Variants in EFNA5 observed in about 807,000 individuals in gnomAD.
EFNA5 encodes ephrin-A5.
In EFNA5, 5 loss-of-function variants were observed where a neutral mutation model predicts 22.9. That is an observed-to-expected ratio of 0.22 (90% CI 0.11 to 0.46). The LOEUF (loss-of-function observed/expected upper bound fraction) is 0.46, where lower values mean the gene tolerates loss of function less well. EFNA5 is among the 20% of genes least tolerant of loss of function. The pLI is 0.99. For missense variants in EFNA5, 237 were observed against 293.3 expected, an observed-to-expected ratio of 0.81 and a Z score of 1.40; for synonymous variants, 113 against 112.2, an observed-to-expected ratio of 1.01 and a Z score of -0.04.
At chr5:107,513,983 A>G (rs1747427777) in intron 1 of EFNA5, among the ~76,000 whole-genome samples, 1 of 152,196 alleles carries the variant, frequency 6.6e-6, no homozygotes, top group South Asian at 2.1e-4. Context: ...GTCTGTGCTG[A>G]ACACAAAAAC....
chr5:107,403,561 A>C (rs1259070905), intron 2 of EFNA5, among the ~76,000 whole-genome samples: 3 of 152,198 alleles, frequency 2.0e-5, no homozygotes, highest in Non-Finnish European at 2.9e-5. Flanking sequence ...TCTACATTAC[A>C]GTTTCACAAT....
chr5:107,416,913 G>C lies in EFNA5; in HGVS notation c.418+10304C>G, dbSNP rs113173397. Among the ~76,000 whole-genome samples, 14 of 152,010 alleles carry C rather than the reference G, an allele frequency of 9.2e-5. 2 individuals are homozygous for C. Among genetic ancestry groups the C allele is most frequent in the African/African-American group, 3.1e-4 (13 of 41,470 alleles). Reference sequence around the variant, plus strand: ...TTGAGGACCAACAGAAACTGTTAAAGCAAAACATGCAGTAAAACTTAATCA... The same window carrying C: ...TTGAGGACCAACAGAAACTGTTAAACCAAAACATGCAGTAAAACTTAATCA... On this transcript the variant is annotated intron_variant, in intron 2 of 4. Coordinates refer to ENST00000333274, the MANE Select transcript of EFNA5 (RefSeq NM_001962.3).
At chr5:107,466,257 G>A (rs561713661) in intron 1 of EFNA5, among the ~76,000 whole-genome samples, 2 of 152,250 alleles carry the variant, frequency 1.3e-5, no homozygotes, top group African/African-American at 4.8e-5. Context: ...CTCATAAGTC[G>A]TGTTAAGCCA....
At chr5:107,591,958 AATATATATAAT>A (rs1430706982) in intron 1 of EFNA5, among the ~76,000 whole-genome samples, 2 of 12,018 alleles carry the variant, frequency 1.7e-4, no homozygotes, top group South Asian at 1.9e-3. Context: ...TATAATATAT[AATATATATAAT>A]ATATATAATA....
chr5:107,647,534 A>G (rs1750650755), intron 1 of EFNA5, among the ~76,000 whole-genome samples: 2 of 152,214 alleles, frequency 1.3e-5, no homozygotes, highest in African/African-American at 4.8e-5. Flanking sequence ...TTACAGAATT[A>G]TAAAATAATG....
intron 1 of EFNA5, among the ~76,000 whole-genome samples, chr5:107,454,567 T>C (rs1047604027): frequency 6.6e-6 from 1 of 152,180 alleles, no homozygotes. Flanking sequence ...TAGAAAATTT[T>C]AAATCTCAAG....
intron 1 of EFNA5, 117 bp downstream of exon 1, chr5:107,670,372 C>T: frequency 1.5e-6 from 2 of 1,313,120 alleles, no homozygotes; most frequent in Non-Finnish European, 2.0e-6. Context: ...GCCCGGGCGA[C>T]GCAGGCTCCG....
At chr5:107,535,563 A>T (rs252404) in intron 1 of EFNA5, among the ~76,000 whole-genome samples, 6,957 of 152,258 alleles carry the variant, frequency 0.046, 542 homozygotes, top group African/African-American at 0.16. Context: ...CCTTTATTAT[A>T]TGACATTATT....
intron 1 of EFNA5, among the ~76,000 whole-genome samples, chr5:107,668,991 G>A (rs1336320830): frequency 6.6e-6 from 1 of 152,028 alleles, no homozygotes; most frequent in African/African-American, 2.4e-5. Context: ...CCTGTTCAGC[G>A]GTTCATTTAG....
chr5:107,460,442 C>T (rs185784829), intron 1 of EFNA5, among the ~76,000 whole-genome samples: 54 of 152,264 alleles, frequency 3.5e-4, no homozygotes, highest in African/African-American at 1.3e-3. Context: ...GATTCAGTAA[C>T]ATCACACAGA....
chr5:107,663,854 G>GA (rs1055705615), intron 1 of EFNA5, among the ~76,000 whole-genome samples: 8 of 151,980 alleles, frequency 5.3e-5, no homozygotes, highest in Non-Finnish European at 1.2e-4. Flanking sequence ...CACTTGAGTG[G>GA]AAAATAAGAC....
At chr5:107,449,227 A>G (rs1194266787) in intron 1 of EFNA5, among the ~76,000 whole-genome samples, 1 of 152,152 alleles carries the variant, frequency 6.6e-6, no homozygotes, top group African/African-American at 2.4e-5. Context: ...CATTCATCAC[A>G]TCAATTTCAA....
intron 1 of EFNA5, among the ~76,000 whole-genome samples, chr5:107,437,104 C>T (rs550866952): frequency 6.6e-6 from 1 of 152,142 alleles, no homozygotes; most frequent in African/African-American, 2.4e-5. Context: ...AAATTTAGCC[C>T]ACACTTTTAA....
intron 1 of EFNA5, among the ~76,000 whole-genome samples, chr5:107,657,955 A>T (rs1750865488): frequency 6.6e-6 from 1 of 152,184 alleles, no homozygotes; most frequent in African/African-American, 2.4e-5. Flanking sequence ...AAAGCAAATA[A>T]TACATACGCT....
chr5:107,550,489 T>C (rs1580525645), intron 1 of EFNA5, among the ~76,000 whole-genome samples: 1 of 152,306 alleles, frequency 6.6e-6, no homozygotes, highest in Non-Finnish European at 1.5e-5. Context: ...GTCTAATCTT[T>C]CTGAGATTCA....
intron 1 of EFNA5, among the ~76,000 whole-genome samples, chr5:107,632,271 T>C (rs1251617265): frequency 6.6e-6 from 1 of 152,182 alleles, no homozygotes; most frequent in Non-Finnish European, 1.5e-5. Context: ...GCTGCTCCCT[T>C]TTCCAGTCTT....
At chr5:107,424,229 C>T (rs1458957402) in intron 2 of EFNA5, among the ~76,000 whole-genome samples, 7 of 98,110 alleles carry the variant, frequency 7.1e-5, no homozygotes, top group East Asian at 3.3e-4. Flanking sequence ...TTTTTTGAGA[C>T]GGAGTCTCAC....
intron 2 of EFNA5, among the ~76,000 whole-genome samples, chr5:107,398,096 C>T (rs1747977145): frequency 6.6e-6 from 1 of 152,124 alleles, no homozygotes; most frequent in African/African-American, 2.4e-5. Context: ...TGCAGGGGTG[C>T]AATCAGGGCT....
chr5:107,443,453 A>G (rs2112438334), intron 1 of EFNA5, among the ~76,000 whole-genome samples: 1 of 152,306 alleles, frequency 6.6e-6, no homozygotes, highest in Admixed American at 6.5e-5. Flanking sequence ...AGCAAGGGGG[A>G]ACAGAGTATC....
Sources: allele counts gnomAD v4.1 joint callset (sites outside exome capture counted in the v4.1 genomes callset), GRCh38; gene constraint gnomAD v4.1.1; transcripts MANE v1.5; gene names NCBI Gene and HGNC (gene_info 2026-07-23, HGNC 2026-07-21).